Variants in CDH18 observed in about 807,000 individuals in gnomAD.
CDH18 encodes cadherin-18.
CDH18 carries 31 observed loss-of-function variants against 67.9 expected under a neutral mutation model. The observed-to-expected ratio is 0.46, with a 90% CI of 0.34 to 0.62. CDH18 has a LOEUF of 0.62. Among genes scored for constraint, CDH18 ranks in the 20% least tolerant of loss-of-function variants. CDH18 has a pLI of 0.01. For synonymous variants in CDH18, 362 were observed against 347.2 expected (o/e 1.04, Z -0.48); for missense variants, 890 against 975.5 (o/e 0.91, Z 1.17).
At chr5:20,305,253 A>G in intron 1 of CDH18, 1 of 1,373,684 alleles carries the variant, frequency 7.3e-7, no homozygotes, top group Non-Finnish European at 1.0e-6. Flanking sequence ...CTCCTCCAGA[A>G]GGTACCACTA....
intron 1 of CDH18, among the ~76,000 whole-genome samples, chr5:20,464,434 T>C (rs765127494): frequency 6.0e-4 from 89 of 149,448 alleles, no homozygotes; most frequent in African/African-American, 2.2e-3. Context: ...TAAGATTTTG[T>C]TCATTGAGAA....
intron 2 of CDH18, among the ~76,000 whole-genome samples, chr5:19,979,782 C>T: frequency 6.6e-6 from 1 of 152,018 alleles, no homozygotes; most frequent in East Asian, 1.9e-4. Flanking sequence ...AAGAATGTTC[C>T]ATTTGTTTCT....
intron 1 of CDH18, among the ~76,000 whole-genome samples, chr5:20,324,017 C>T (rs1738293908): frequency 6.6e-6 from 1 of 152,168 alleles, no homozygotes; most frequent in Non-Finnish European, 1.5e-5. Context: ...AATCTTCTTT[C>T]ACACATCCTA....
At chr5:20,299,899 T>C (rs1448426790) in intron 1 of CDH18, among the ~76,000 whole-genome samples, 1 of 152,026 alleles carries the variant, frequency 6.6e-6, no homozygotes, top group Non-Finnish European at 1.5e-5. Context: ...AGATCAAATA[T>C]ATTGCAGGTT....
intron 2 of CDH18, among the ~76,000 whole-genome samples, chr5:20,080,765 T>C (rs920990697): frequency 2.0e-5 from 3 of 151,896 alleles, no homozygotes; most frequent in Non-Finnish European, 4.4e-5. Context: ...AAATGAAGAA[T>C]TAAAGAATGA....
chr5:20,230,950 C>T (rs868361620), intron 2 of CDH18, among the ~76,000 whole-genome samples: 11 of 152,216 alleles, frequency 7.2e-5, no homozygotes, highest in South Asian at 2.1e-4. Flanking sequence ...GATGTTAAAA[C>T]ATCATCACCC....
intron 8 of CDH18, among the ~76,000 whole-genome samples, chr5:19,550,708 G>C (rs1432316146): frequency 9.7e-6 from 1 of 102,786 alleles, no homozygotes; most frequent in Non-Finnish European, 2.4e-5. Context: ...GTTGTGAATA[G>C]TGCCACAATA....
intron 1 of CDH18, among the ~76,000 whole-genome samples, chr5:20,384,509 T>C (rs1358152221): frequency 1.3e-5 from 2 of 152,210 alleles, no homozygotes; most frequent in Non-Finnish European, 2.9e-5. Flanking sequence ...TAGGTTGATT[T>C]CATCTCGTGT....
At chr5:20,529,180 C>G (rs982221624) in intron 1 of CDH18, among the ~76,000 whole-genome samples, 1 of 151,810 alleles carries the variant, frequency 6.6e-6, no homozygotes, top group African/African-American at 2.4e-5. Flanking sequence ...TACACCCTCT[C>G]AAGACTGAAC....
rs1465251641 is a variant in CDH18, at chr5:20,352,302, T to C, written c.-579-96797A>G. On this transcript the variant is annotated intron_variant, in intron 1 of 14. Coordinates refer to the CDH18 transcript ENST00000507958. Reference sequence around the variant, plus strand: ...TGAATAGTCAACATATTTTCTCTTTTCTTATCATTTTCTTAATAACATTTT... The same window carrying C: ...TGAATAGTCAACATATTTTCTCTTTCCTTATCATTTTCTTAATAACATTTT... 3.9e-5 allele frequency among the ~76,000 whole-genome samples: 6 copies of C among 152,270 alleles called. No individual in the cohort carries two copies. The East Asian group carries it at 1.2e-3, about 29-fold the overall frequency.
Position 20,281,592 on chromosome 5 carries a change from G to A in CDH18, c.-579-26087C>T, listed in dbSNP as rs528479730. Reference sequence around the variant, plus strand: ...ATCTCTGTTTTGGTACCAGTACCGTGCTGTTTTGGTTACTGTAGCCTTGTA... The same window carrying A: ...ATCTCTGTTTTGGTACCAGTACCGTACTGTTTTGGTTACTGTAGCCTTGTA... On this transcript the variant is annotated intron_variant, in intron 1 of 14. Transcript: ENST00000507958. Among the ~76,000 whole-genome samples, 5 of 152,284 alleles carry A rather than the reference G, an allele frequency of 3.3e-5. No homozygotes were observed. In the East Asian group the frequency reaches 9.7e-4, roughly 29 times the overall value.
chr5:20,261,771 G>A (rs1744676857), intron 1 of CDH18, among the ~76,000 whole-genome samples: 1 of 152,000 alleles, frequency 6.6e-6, no homozygotes, highest in Non-Finnish European at 1.5e-5. Flanking sequence ...TATTCTGTGT[G>A]GTGTGGTTTT....
At position 19,945,971 on chromosome 5, in the gene CDH18, C is replaced by T. The variant is rs551940471; in HGVS notation, c.-257+35089G>A. ...AATTACTCAAAGAAATAATTTGCTG[C>T]ACGCTCCACCAAATATGTAATACAT... On this transcript the variant is annotated intron_variant, in intron 2 of 12. Coordinates refer to ENST00000382275, the MANE Select transcript of CDH18 (RefSeq NM_004934.5). 7.4e-4 allele frequency among the ~76,000 whole-genome samples: 112 copies of T among 152,078 alleles called. 1 individual carries two copies. Among genetic ancestry groups the T allele is most frequent in the African/African-American group, 2.5e-3 (102 of 41,504 alleles).
chr5:19,604,881 C>T (rs1241946000), intron 6 of CDH18, among the ~76,000 whole-genome samples: 1 of 151,690 alleles, frequency 6.6e-6, no homozygotes, highest in African/African-American at 2.4e-5. Flanking sequence ...TAGTGGAACA[C>T]TTTCTTTGTT....
chr5:19,776,186 A>T (rs1774348467), intron 3 of CDH18, among the ~76,000 whole-genome samples: 1 of 152,224 alleles, frequency 6.6e-6, no homozygotes, highest in Admixed American at 6.5e-5. Context: ...AGCAGATTTG[A>T]CACAATAAAG....
At chr5:20,130,401 GTTTT>G (rs4002156) in intron 2 of CDH18, among the ~76,000 whole-genome samples, 29 of 143,862 alleles carry the variant, frequency 2.0e-4, no homozygotes, top group Admixed American at 4.8e-4. Flanking sequence ...CTCTTCCTTA[GTTTT>G]TTTTTTTTTT....
At chr5:19,486,419 A>G (rs895203199) in intron 11 of CDH18, among the ~76,000 whole-genome samples, 1 of 152,046 alleles carries the variant, frequency 6.6e-6, no homozygotes, top group African/African-American at 2.4e-5. Flanking sequence ...ATCAGACACA[A>G]TAAAATACGT....
intron 2 of CDH18, among the ~76,000 whole-genome samples, chr5:19,879,585 G>A (rs1293995061): frequency 6.6e-6 from 1 of 151,952 alleles, no homozygotes; most frequent in African/African-American, 2.4e-5. Flanking sequence ...ACCTACAGCA[G>A]TAGATATAAA....
chr5:20,355,814 A>G (rs1157892756), intron 1 of CDH18, among the ~76,000 whole-genome samples: 1 of 152,212 alleles, frequency 6.6e-6, no homozygotes. Flanking sequence ...TGGCGAATTT[A>G]TCATTAGTTA....
Sources: allele counts gnomAD v4.1 joint callset (sites outside exome capture counted in the v4.1 genomes callset), GRCh38; gene constraint gnomAD v4.1.1; transcripts MANE v1.5; gene names NCBI Gene and HGNC (gene_info 2026-07-23, HGNC 2026-07-21).